DMRTA2: variants seen among roughly 807,000 people sequenced by gnomAD.
DMRTA2 encodes the protein doublesex- and mab-3-related transcription factor A2.
Under a neutral mutation model 29.7 loss-of-function variants are expected in DMRTA2, and 10 were observed. That is an observed-to-expected ratio of 0.34 (90% confidence interval 0.21 to 0.57). DMRTA2 has a LOEUF of 0.57. DMRTA2 is among the 20% of genes least tolerant of loss of function. The pLI is 0.87. For synonymous variants in DMRTA2, 469 were observed against 402.6 expected, an observed-to-expected ratio of 1.16 and a Z score of -1.97; for missense variants, 783 against 812.1, an observed-to-expected ratio of 0.96 and a Z score of 0.44.
Position 50,419,106 on chromosome 1 carries a change from G to GCGGCGGCGGCGGCA in DMRTA2, c.1187_1188insTGCCGCCGCCGCCG (p.Gly398AlafsTer40), listed in dbSNP as rs1646014595. ...GCGCAGGCAGCCCAGGCCCCCCGGC[G>GCGGCGGCGGCGGCA]GCGGCGGCGGCGGCGGCGGCGGCGT... On this transcript the variant is annotated frameshift_variant, in exon 3 of 3. Coordinates refer to ENST00000404795, the MANE Select transcript of DMRTA2 (RefSeq NM_032110.3). LOFTEE classifies it high-confidence loss of function. The surrounding 1 kb of genome is among the most constrained non-coding windows in gnomAD (Gnocchi z 6.1). 9.0e-7 allele frequency: 1 copy of GCGGCGGCGGCGGCA among 1,108,274 alleles called. No individual in the cohort carries two copies. Among genetic ancestry groups the GCGGCGGCGGCGGCA allele is most frequent in the Non-Finnish European group, 1.1e-6 (1 of 902,978 alleles). 68.7% of individuals were successfully genotyped at this position (1,108,274 alleles called of 1,614,324 possible).
rs987354158 is a variant in DMRTA2, at chr1:50,419,359, C to G, written c.935G>C (p.Arg312Pro). 3 of 1,596,824 alleles carry G rather than the reference C, an allele frequency of 1.9e-6. No individual in the cohort carries two copies. Among genetic ancestry groups the G allele is most frequent in the South Asian group, 1.1e-5 (1 of 90,736 alleles). Residue 312 changes from arginine (R) to proline (P), a missense_variant, in exon 3 of 3, where the codon CGG becomes CCG. Coordinates refer to ENST00000404795, the MANE Select transcript of DMRTA2 (RefSeq NM_032110.3). This position sits in a 1 kb window ranked among gnomAD's most constrained non-coding sequence, Gnocchi z 6.1. Reference sequence around the variant, plus strand: ...CAAGATATCCAGCGGCGTCCGCTGCCGTGGACCCGAGCCTCCGCCCAGCCC... The same window carrying G: ...CAAGATATCCAGCGGCGTCCGCTGCGGTGGACCCGAGCCTCCGCCCAGCCC... ...APGLGGGSGPRQRTPLDILTR... is the reference protein window; with the variant it reads ...APGLGGGSGPPQRTPLDILTR...
rs1438336502 is a variant in DMRTA2, at chr1:50,420,034, C to G, written c.560-300G>C. ...CCCCAACACCTCCACCCTTAACTGCCCTTCCAGTCCTGCCCTGCCGTGGAG... is the reference window on the plus strand; with the variant it reads ...CCCCAACACCTCCACCCTTAACTGCGCTTCCAGTCCTGCCCTGCCGTGGAG... On this transcript the variant is annotated intron_variant, in intron 2 of 2. Transcript: ENST00000404795. This position sits in a 1 kb window ranked among gnomAD's most constrained non-coding sequence, Gnocchi z 4.1. Among the ~76,000 whole-genome samples the G allele has an allele frequency of 6.6e-6, 1 of 152,162 alleles. No homozygotes were observed. Among genetic ancestry groups the G allele is most frequent in the South Asian group, 2.1e-4 (1 of 4,826 alleles).
At position 50,417,921 on chromosome 1, in the gene DMRTA2, A is replaced by C. The variant is rs1645997682; in HGVS notation, c.*744T>G. ...CTTGTTTTGAATGTTTTTCACGTTA[A>C]TACCGAGGTCACCTACAGATTACAA... On this transcript the variant is annotated 3_prime_UTR_variant, in exon 3 of 3. Coordinates refer to ENST00000404795, the MANE Select transcript of DMRTA2 (RefSeq NM_032110.3). The C allele has an allele frequency of 6.6e-6, 1 of 152,200 alleles. No individual in the cohort carries two copies. Among genetic ancestry groups the C allele is most frequent in the South Asian group, 2.1e-4 (1 of 4,818 alleles). 9.4% of individuals were successfully genotyped at this position (152,200 alleles called of 1,614,324 possible). A position where few individuals can be genotyped will look rare whatever the true frequency, so the allele number is the denominator to read the frequency against.
In DMRTA2 at chr1:50,420,921, C is replaced by A. The variant is rs2148965633; in HGVS notation, c.559+57G>T. The A allele has an allele frequency of 1.4e-6, 2 of 1,397,718 alleles. No homozygotes were observed. The highest frequency in any genetic ancestry group is 5.9e-5 in the East Asian group (2 of 33,814). The allele number at this position is 1,397,718 out of a possible 1,614,324, so 86.6% of individuals were successfully genotyped here. A position where few individuals can be genotyped will look rare whatever the true frequency, so the allele number is the denominator to read the frequency against. The stretch of plus-strand genomic sequence containing the variant: ...CTGAACCGAGACAAGCCCCTGGGCC[C>A]CGTGCCCCAGAGCTACGATCCTGCT... On this transcript the variant is annotated intron_variant, in intron 2 of 2. Transcript: ENST00000404795. The surrounding 1 kb of genome is among the most constrained non-coding windows in gnomAD (Gnocchi z 4.1).
rs1645994658 is a variant in DMRTA2 at position 50,417,552 on chromosome 1, G to A, written c.*1113C>T. The A allele has an allele frequency of 6.6e-6, 1 of 151,490 alleles. No individual in the cohort carries two copies. Among genetic ancestry groups the A allele is most frequent in the Non-Finnish European group, 1.5e-5 (1 of 67,886 alleles). 9.4% of individuals were successfully genotyped at this position (151,490 alleles called of 1,614,324 possible). On this transcript the variant is annotated 3_prime_UTR_variant, in exon 3 of 3. Transcript: ENST00000404795. ...GAGGAGCGGGACGGGATTCGGCATT[G>A]TTTTCTTAGAAAATAACATTTATTT...
rs1219831517 is a variant in DMRTA2, at chr1:50,421,087, CG to C, written c.449del (p.Pro150ArgfsTer65). ...ALAAANGIIP[P>X]RPAYEVFGSV... Reference sequence around the variant, plus strand: ...AACCGAAGACCTCGTAGGCGGGCCTCGGGGGGATGATGCCGTTGGCGGCGGC... The same window carrying C: ...AACCGAAGACCTCGTAGGCGGGCCTCGGGGGATGATGCCGTTGGCGGCGGC... On this transcript the variant is annotated frameshift_variant, in exon 2 of 3. Transcript: ENST00000404795. LOFTEE classifies it high-confidence loss of function. This position sits in a 1 kb window ranked among gnomAD's most constrained non-coding sequence, Gnocchi z 8.7. 2.6e-6 allele frequency: 4 copies of C among 1,522,954 alleles called. No individual in the cohort carries two copies. The highest frequency in any genetic ancestry group is 2.0e-5 in the Admixed American group (1 of 49,980). The allele number at this position is 1,522,954 out of a possible 1,614,324, so 94.3% of individuals were successfully genotyped here.
In DMRTA2 at chr1:50,419,788, AC is replaced by A. The variant is rs564190193; in HGVS notation, c.560-55del. On this transcript the variant is annotated intron_variant, in intron 2 of 2. Transcript: ENST00000404795. This position sits in a 1 kb window ranked among gnomAD's most constrained non-coding sequence, Gnocchi z 6.1. Reference sequence around the variant, plus strand: ...AGCGGTTAGCTAGAAGACAGCAGTCACAGCACCTCGGCCCTTTGGATCTCAG... The same window carrying A: ...AGCGGTTAGCTAGAAGACAGCAGTCAAGCACCTCGGCCCTTTGGATCTCAG... 10,832 of 1,388,290 alleles carry A rather than the reference AC, an allele frequency of 7.8e-3. 47 individuals are homozygous for A. The highest frequency in any genetic ancestry group is 9.1e-3 in the Non-Finnish European group (9,593 of 1,057,682). 86.0% of individuals were successfully genotyped at this position (1,388,290 alleles called of 1,614,324 possible). A position where few individuals can be genotyped will look rare whatever the true frequency, so the allele number is the denominator to read the frequency against.
In DMRTA2 at chr1:50,418,543, T is replaced by A; in HGVS notation, c.*122A>T. 1 of 838,686 alleles carries A rather than the reference T, an allele frequency of 1.2e-6. No homozygotes were observed. Among genetic ancestry groups the A allele is most frequent in the Non-Finnish European group, 1.6e-6 (1 of 614,004 alleles). 52.0% of individuals were successfully genotyped at this position (838,686 alleles called of 1,614,324 possible). A position where few individuals can be genotyped will look rare whatever the true frequency, so the allele number is the denominator to read the frequency against. ...TCCTAAACAAAACCCAAAAACCACC[T>A]TAGAGTGAGAAGACGCCCAGCCAGG... On this transcript the variant is annotated 3_prime_UTR_variant, in exon 3 of 3. Coordinates refer to ENST00000404795, the MANE Select transcript of DMRTA2 (RefSeq NM_032110.3).
chr1:50,420,940 TCCTGCTGCCCCTA>T lies in DMRTA2; in HGVS notation c.559+25_559+37del, dbSNP rs1451712923. ...TGGGCCCCGTGCCCCAGAGCTACGA[TCCTGCTGCCCCTA>T]CCTGCGGCCTGGCCGCGCTCTCACC... On this transcript the variant is annotated intron_variant, in intron 2 of 2. Coordinates refer to ENST00000404795, the MANE Select transcript of DMRTA2 (RefSeq NM_032110.3). This position sits in a 1 kb window ranked among gnomAD's most constrained non-coding sequence, Gnocchi z 4.1. 2.8e-6 allele frequency: 4 copies of T among 1,412,284 alleles called. No individual in the cohort carries two copies. The highest frequency in any genetic ancestry group is 3.7e-6 in the Non-Finnish European group (4 of 1,093,468). 87.5% of individuals were successfully genotyped at this position (1,412,284 alleles called of 1,614,324 possible).
Position 50,421,732 on chromosome 1 carries a change from C to A in DMRTA2, c.-8-188G>T. On this transcript the variant is annotated intron_variant, in intron 1 of 2. Coordinates refer to ENST00000404795, the MANE Select transcript of DMRTA2 (RefSeq NM_032110.3). This position sits in a 1 kb window ranked among gnomAD's most constrained non-coding sequence, Gnocchi z 8.7. The stretch of plus-strand genomic sequence containing the variant: ...TCCTTGTGAGCCCTAGCACCTTCAC[C>A]CCAGTCTGGCCATGGCTGCTCTTAG... The A allele has an allele frequency of 1.9e-6, 1 of 521,986 alleles. No homozygotes were observed. The highest frequency in any genetic ancestry group is 2.0e-5 in the African/African-American group (1 of 50,218). 32.3% of individuals were successfully genotyped at this position (521,986 alleles called of 1,614,324 possible). A position where few individuals can be genotyped will look rare whatever the true frequency, so the allele number is the denominator to read the frequency against.
In DMRTA2 at chr1:50,421,555, A is replaced by G. The variant is rs1646038983; in HGVS notation, c.-8-11T>C. ...GCTCCATGACAGGACCTGACGGGAA[A>G]GAAGGTGGGAGAGGGGAGAGACCTG... On this transcript the variant is annotated splice_polypyrimidine_tract_variant and intron_variant, in intron 1 of 2. Coordinates refer to ENST00000404795, the MANE Select transcript of DMRTA2 (RefSeq NM_032110.3). The surrounding 1 kb of genome is among the most constrained non-coding windows in gnomAD (Gnocchi z 8.7). 8.1e-7 allele frequency: 1 copy of G among 1,241,316 alleles called. No individual in the cohort carries two copies. Among genetic ancestry groups the G allele is most frequent in the Non-Finnish European group, 1.0e-6 (1 of 995,576 alleles). 76.9% of individuals were successfully genotyped at this position (1,241,316 alleles called of 1,614,324 possible). A position where few individuals can be genotyped will look rare whatever the true frequency, so the allele number is the denominator to read the frequency against.
rs572985765 is a variant in DMRTA2, at chr1:50,419,754, G to A, written c.560-20C>T. ...TGGCCTCTGGGAGGGGAGAAAACGT[G>A]TCGTGAGGAGCGGTTAGCTAGAAGA... is the stretch of plus-strand genomic sequence containing the variant. On this transcript the variant is annotated intron_variant, in intron 2 of 2. Transcript: ENST00000404795. This position sits in a 1 kb window ranked among gnomAD's most constrained non-coding sequence, Gnocchi z 6.1. The A allele has an allele frequency of 1.2e-5, 17 of 1,452,310 alleles. No individual in the cohort carries two copies. In the South Asian group the frequency reaches 2.3e-4, roughly 19 times the overall value. 90.0% of individuals were successfully genotyped at this position (1,452,310 alleles called of 1,614,324 possible).
rs375773071 is a variant in DMRTA2, at chr1:50,419,424, T to A, written c.870A>T (p.Ser290=). 1 of 1,598,308 alleles carries A rather than the reference T, an allele frequency of 6.3e-7. No homozygotes were observed. Among genetic ancestry groups the A allele is most frequent in the African/African-American group, 1.3e-5 (1 of 74,732 alleles). ...CCTCACCCTCTTCTTTGTCAGCCTC[T>A]GAACCGGATTCAGAGCCCAGAGGGC... ...SASPLGSESG[S]EADKEEGEAA... Residue 290 remains serine, a synonymous_variant, in exon 3 of 3, where the codon TCA becomes TCT. Transcript: ENST00000404795. The surrounding 1 kb of genome is among the most constrained non-coding windows in gnomAD (Gnocchi z 6.1).
In DMRTA2 at chr1:50,419,548, C is replaced by T. The variant is rs1646020194; in HGVS notation, c.746G>A (p.Gly249Asp). ...SENGDGESFS[G>D]SPLARASKEA... Reference sequence around the variant, plus strand: ...TTTGGAGGCCCGAGCTAGGGGCGAACCAGAAAAGGACTCGCCATCGCCGTT... The same window carrying T: ...TTTGGAGGCCCGAGCTAGGGGCGAATCAGAAAAGGACTCGCCATCGCCGTT... Residue 249 changes from glycine (G) to aspartate (D), a missense_variant, in exon 3 of 3, where the codon GGT (glycine) becomes GAT (aspartate). By Grantham distance (94) the Gly-to-Asp change is moderately conservative (BLOSUM62 -1). Coordinates refer to ENST00000404795, the MANE Select transcript of DMRTA2 (RefSeq NM_032110.3). This position sits in a 1 kb window ranked among gnomAD's most constrained non-coding sequence, Gnocchi z 6.1. 6.4e-7 allele frequency: 1 copy of T among 1,572,636 alleles called. No individual in the cohort carries two copies. Among genetic ancestry groups the T allele is most frequent in the Non-Finnish European group, 8.6e-7 (1 of 1,162,232 alleles).
At position 50,421,037 on chromosome 1, in the gene DMRTA2, C is replaced by T. The variant is rs1646033914; in HGVS notation, c.500G>A (p.Gly167Glu). 2 of 1,511,576 alleles carry T rather than the reference C, an allele frequency of 1.3e-6. No homozygotes were observed. The highest frequency in any genetic ancestry group is 1.8e-6 in the Non-Finnish European group (2 of 1,136,464). The allele number at this position is 1,511,576 out of a possible 1,614,324, so 93.6% of individuals were successfully genotyped here. The change falls in exon 2 of 3, where the codon GGA becomes GAA. Residue 167 changes from glycine to glutamate, a missense_variant. By Grantham distance (98) the Gly-to-Glu change is moderately conservative (BLOSUM62 -2). This residue lies in a region of DMRTA2 where 667 missense variants were observed against 624.8 expected (regional missense o/e 1.07). Transcript: ENST00000404795. This position sits in a 1 kb window ranked among gnomAD's most constrained non-coding sequence, Gnocchi z 8.7. ...CCCCGCGGGCGCTCCCGCTCCAGGT[C>T]CCCCGCCGTCGGCGGCGCACACTGA... The part of the protein sequence containing the change: ...FGSVCAADGG[G>E]PGAGAPAGTG...
rs752998419 is a variant in DMRTA2, at chr1:50,418,778, T to G, written c.1516A>C (p.Ser506Arg). The G allele has an allele frequency of 1.9e-6, 3 of 1,586,446 alleles. No homozygotes were observed. Among genetic ancestry groups the G allele is most frequent in the East Asian group, 4.8e-5 (2 of 42,092 alleles). ...GCCGAGCGGTCACGCATGAGATCGCTAAAGGCGTAGTCCATGGGTGGGCGG... is the reference window on the plus strand; with the variant it reads ...GCCGAGCGGTCACGCATGAGATCGCGAAAGGCGTAGTCCATGGGTGGGCGG... ...GFRPPMDYAFSDLMRDRSAAA... is the reference protein window; with the variant it reads ...GFRPPMDYAFRDLMRDRSAAA... Residue 506 changes from serine (S) to arginine (R), a missense_variant, in exon 3 of 3, where the codon AGC becomes CGC. Ser to Arg is a moderately radical substitution (Grantham distance 110, BLOSUM62 -1). Around this residue, in one of 3 missense-constraint regions of DMRTA2, gnomAD observed 667 missense variants for 624.8 expected, o/e 1.07. Transcript: ENST00000404795.
Position 50,421,275 on chromosome 1 carries a change from A to G in DMRTA2, c.262T>C (p.Tyr88His). ...VVSALKGHKR[Y>H]CRWKDCLCAK... Reference sequence around the variant, plus strand: ...CACAGGCAGTCCTTCCAGCGACAGTAGCGTTTGTGGCCCTTGAGGGCCGAC... The same window carrying G: ...CACAGGCAGTCCTTCCAGCGACAGTGGCGTTTGTGGCCCTTGAGGGCCGAC... The change falls in exon 2 of 3, where the codon TAC (tyrosine) becomes CAC (histidine). Residue 88 changes from tyrosine to histidine, a missense_variant. Tyr to His is a moderately conservative substitution (Grantham distance 83). Coordinates refer to ENST00000404795, the MANE Select transcript of DMRTA2 (RefSeq NM_032110.3). This position sits in a 1 kb window ranked among gnomAD's most constrained non-coding sequence, Gnocchi z 8.7. 6.5e-7 allele frequency: 1 copy of G among 1,537,940 alleles called. No individual in the cohort carries two copies. The highest frequency in any genetic ancestry group is 1.2e-5 in the South Asian group (1 of 83,238).
Position 50,422,896 on chromosome 1 carries a change from C to T in DMRTA2, c.-9+220G>A, listed in dbSNP as rs1212994201. Among the ~76,000 whole-genome samples the T allele has an allele frequency of 6.6e-6, 1 of 152,248 alleles. No individual in the cohort carries two copies. Among genetic ancestry groups the T allele is most frequent in the Non-Finnish European group, 1.5e-5 (1 of 68,046 alleles). On this transcript the variant is annotated intron_variant, in intron 1 of 2. Coordinates refer to ENST00000404795, the MANE Select transcript of DMRTA2 (RefSeq NM_032110.3). This position sits in a 1 kb window ranked among gnomAD's most constrained non-coding sequence, Gnocchi z 5.7. ...AAGCAGGCCCAGCTCCCCGCTTCTG[C>T]CGCGGTCTCCTCTGCTTCCCGCGTT...
At position 50,419,515 on chromosome 1, in the gene DMRTA2, C is replaced by T. The variant is rs766251473; in HGVS notation, c.779G>A (p.Gly260Asp). The T allele has an allele frequency of 1.3e-6, 2 of 1,589,322 alleles. No individual in the cohort carries two copies. The highest frequency in any genetic ancestry group is 1.7e-6 in the Non-Finnish European group (2 of 1,171,070). Residue 260 changes from glycine to aspartate, a missense_variant, in exon 3 of 3, where the codon GGT (glycine) becomes GAT (aspartate). Coordinates refer to ENST00000404795, the MANE Select transcript of DMRTA2 (RefSeq NM_032110.3). This position sits in a 1 kb window ranked among gnomAD's most constrained non-coding sequence, Gnocchi z 6.1. ...SPLARASKEA[G>D]GSCPGSAGPG... ...GCCAGCGCTGCCTGGGCAGCTGCCACCTGCCTCTTTGGAGGCCCGAGCTAG... is the reference window on the plus strand; with the variant it reads ...GCCAGCGCTGCCTGGGCAGCTGCCATCTGCCTCTTTGGAGGCCCGAGCTAG...
Sources: gnomAD v4.1 joint callset for allele counts (sites outside exome capture counted in the v4.1 genomes callset) on GRCh38, gnomAD v4.1.1 for gene constraint, gnomAD v4.1.1 regional missense constraint, Gnocchi (gnomAD v3.1) non-coding constraint, MANE v1.5 for transcripts, NCBI Gene and HGNC (gene_info 2026-07-23, HGNC 2026-07-21) for gene names.